Variants in TBC1D16 observed in about 807,000 individuals in gnomAD.
TBC1D16 encodes the protein TBC1 domain family member 16.
Under a neutral mutation model 74.7 loss-of-function variants are expected in TBC1D16, and 58 were observed. The observed-to-expected ratio is 0.78, with a 90% CI of 0.63 to 0.97. The LOEUF is 0.97. Among genes scored for constraint, TBC1D16 ranks in the 50% least tolerant of loss-of-function variants. The pLI is 0.00. For synonymous variants in TBC1D16, 493 were observed against 474.7 expected (o/e 1.04, Z -0.50); for missense variants, 1,014 against 1,079.5 (o/e 0.94, Z 0.85).
Position 79,950,297 on chromosome 17 carries a change from G to A in TBC1D16, c.1257+114C>T, listed in dbSNP as rs2032940693. On this transcript the variant is annotated intron_variant, in intron 6 of 11. Transcript: ENST00000310924. The surrounding 1 kb of genome is among the most constrained non-coding windows in gnomAD (Gnocchi z 4.6). ...CACAAGAAAACGGGGCCCTCACGAG[G>A]AGGTGGCCCGTGGGTGCGGGCGGGC... The A allele has an allele frequency of 8.2e-7, 1 of 1,212,132 alleles. No individual in the cohort carries two copies. Among genetic ancestry groups the A allele is most frequent in the Non-Finnish European group, 1.1e-6 (1 of 895,878 alleles). The allele number at this position is 1,212,132 out of a possible 1,614,324, so 75.1% of individuals were successfully genotyped here.
chr17:79,951,402 GT>G (rs2033040414), intron 5 of TBC1D16, 47 bp downstream of exon 5: 1 of 1,596,046 alleles, frequency 6.3e-7, no homozygotes, highest in East Asian at 2.2e-5. Context: ...CCCGTGGGGG[GT>G]GGGGAGTGTC....
At chr17:79,960,817 A>AAAAAAAAAAAT (rs2033581813) in intron 3 of TBC1D16, among the ~76,000 whole-genome samples, 1 of 139,392 alleles carries the variant, frequency 7.2e-6, no homozygotes, top group Non-Finnish European at 1.6e-5. Flanking sequence ...AAACGAAGGA[A>AAAAAAAAAAAT]TGAAACTGAC....
chr17:80,015,458 AT>A (rs551854443), intron 1 of TBC1D16, among the ~76,000 whole-genome samples: 121 of 151,890 alleles, frequency 8.0e-4, no homozygotes, highest in Non-Finnish European at 1.6e-3. Context: ...AATAAAAAAA[AT>A]AAAAGACAGG....
At chr17:79,991,747 G>A (rs1167213822) in intron 3 of TBC1D16, among the ~76,000 whole-genome samples, 1 of 151,648 alleles carries the variant, frequency 6.6e-6, no homozygotes, top group Admixed American at 6.5e-5. Context: ...GGCGTGCACC[G>A]CAGGCAGCGG....
chr17:79,956,032 G>T lies in TBC1D16; in HGVS notation c.780-3214C>A, dbSNP rs896599574. ...GCCCCTCACTCTTCCTCTTGGCACA[G>T]TGCAGGCAAGACAGACAGACGAGAG... On this transcript the variant is annotated intron_variant, in intron 3 of 11. Coordinates refer to ENST00000310924, the MANE Select transcript of TBC1D16 (RefSeq NM_019020.4). This position sits in a 1 kb window ranked among gnomAD's most constrained non-coding sequence, Gnocchi z 4.0. Among the ~76,000 whole-genome samples the T allele has an allele frequency of 2.0e-5, 3 of 152,198 alleles. No homozygotes were observed. Among genetic ancestry groups the T allele is most frequent in the African/African-American group, 7.2e-5 (3 of 41,436 alleles).
intron 3 of TBC1D16, among the ~76,000 whole-genome samples, chr17:80,006,084 G>A (rs1568629392): frequency 6.6e-6 from 1 of 152,158 alleles, no homozygotes. Flanking sequence ...GTGGCGATGG[G>A]TGCACCCGAG....
chr17:79,940,950 C>A lies in TBC1D16; in HGVS notation c.2213G>T (p.Gly738Val). ...HHPGSESCPY[G>V]GTVEMPSPKS... Reference sequence around the variant, plus strand: ...GGGGGAAGGCATCTCCACCGTGCCCCCGTAGGGACAGCTCTCCGAGCCGGG... The same window carrying A: ...GGGGGAAGGCATCTCCACCGTGCCCACGTAGGGACAGCTCTCCGAGCCGGG... The change falls in exon 12 of 12, where the codon GGG (glycine) becomes GTG (valine). Residue 738 changes from glycine (G) to valine (V), a missense_variant. By Grantham distance (109) the Gly-to-Val change is moderately radical (BLOSUM62 -3). Transcript: ENST00000310924. The surrounding 1 kb of genome is among the most constrained non-coding windows in gnomAD (Gnocchi z 5.4). 6.2e-7 allele frequency: 1 copy of A among 1,602,614 alleles called. No homozygotes were observed. Among genetic ancestry groups the A allele is most frequent in the East Asian group, 2.3e-5 (1 of 44,206 alleles).
At chr17:79,960,160 T>G (rs1057236314) in intron 3 of TBC1D16, among the ~76,000 whole-genome samples, 8 of 152,120 alleles carry the variant, frequency 5.3e-5, no homozygotes, top group African/African-American at 1.9e-4. Context: ...GGGAAAAAGA[T>G]ATTTGCCAAA....
intron 9 of TBC1D16, among the ~76,000 whole-genome samples, chr17:79,945,704 C>T (rs1465218169): frequency 6.6e-6 from 1 of 152,246 alleles, no homozygotes; most frequent in African/African-American, 2.4e-5. Flanking sequence ...AGTCACCCAG[C>T]CATGCGCTGC....
Position 79,945,015 on chromosome 17 carries a change from C to T in TBC1D16, c.1801G>A (p.Gly601Ser). 1.3e-6 allele frequency: 2 copies of T among 1,579,154 alleles called. No homozygotes were observed. The highest frequency in any genetic ancestry group is 1.7e-4 in the Middle Eastern group (1 of 6,014). The change falls in exon 10 of 12, where the codon GGC (glycine) becomes AGC (serine). Residue 601 changes from glycine (G) to serine (S), a missense_variant. Coordinates refer to ENST00000310924, the MANE Select transcript of TBC1D16 (RefSeq NM_019020.4). ...YQHLVSLGED[G>S]LQMLFCHRWL... is the part of the protein sequence containing the mutation. ...CGGTGGCAGAAGAGCATCTGCAGGCCGTCCTCGCCCAGCGAGACCAGGTGC... is the reference window on the plus strand; with the variant it reads ...CGGTGGCAGAAGAGCATCTGCAGGCTGTCCTCGCCCAGCGAGACCAGGTGC...
rs1251379586 is a variant in TBC1D16, at chr17:79,937,577, A to AGGGGTGGGCT, written c.*3272_*3281dup. The AGGGGTGGGCT allele has an allele frequency of 2.6e-5, 4 of 152,296 alleles. No homozygotes were observed. The highest frequency in any genetic ancestry group is 4.4e-5 in the Non-Finnish European group (3 of 68,118). 9.4% of individuals were successfully genotyped at this position (152,296 alleles called of 1,614,324 possible). A position where few individuals can be genotyped will look rare whatever the true frequency, so the allele number is the denominator to read the frequency against. The stretch of plus-strand genomic sequence containing the variant: ...CCTTCAGACCCTCCTCCTCCCCCGC[A>AGGGGTGGGCT]GGGGTGGGCTGGGGCCCTCCCTCCC... On this transcript the variant is annotated 3_prime_UTR_variant, in exon 12 of 12. Transcript: ENST00000310924.
At chr17:79,947,396 G>T (rs760948632) in intron 9 of TBC1D16, among the ~76,000 whole-genome samples, 1 of 152,176 alleles carries the variant, frequency 6.6e-6, no homozygotes, top group Non-Finnish European at 1.5e-5. Flanking sequence ...TCACGTGCAG[G>T]GGTGGAAGGC....
intron 3 of TBC1D16, among the ~76,000 whole-genome samples, chr17:79,997,941 G>A (rs572397942): frequency 2.0e-5 from 3 of 152,148 alleles, no homozygotes; most frequent in Non-Finnish European, 2.9e-5. Flanking sequence ...CCTGGCCAAC[G>A]TGGTGAAACC....
intron 3 of TBC1D16, among the ~76,000 whole-genome samples, chr17:79,997,804 C>T (rs901162538): frequency 6.6e-6 from 1 of 152,108 alleles, no homozygotes; most frequent in South Asian, 2.1e-4. Context: ...CAGTGGCAGG[C>T]GTCCATCATT....
chr17:79,967,323 A>G (rs2033886760), intron 3 of TBC1D16, among the ~76,000 whole-genome samples: 2 of 152,328 alleles, frequency 1.3e-5, no homozygotes, highest in South Asian at 4.1e-4. Context: ...AAAAAGGAGT[A>G]AAACTATCTC....
rs373698440 is a variant in TBC1D16, at chr17:80,008,536, G to A, written c.779+1624C>T. ...CTGGGCCCTGGGGATGCAGGGACAC[G>A]GGGACGCCTGCAGGTTCTGCTGCAC... On this transcript the variant is annotated intron_variant, in intron 3 of 11. Coordinates refer to ENST00000310924, the MANE Select transcript of TBC1D16 (RefSeq NM_019020.4). This position sits in a 1 kb window ranked among gnomAD's most constrained non-coding sequence, Gnocchi z 4.5. 3.9e-5 allele frequency among the ~76,000 whole-genome samples: 6 copies of A among 152,094 alleles called. No individual in the cohort carries two copies. The highest frequency in any genetic ancestry group is 9.7e-5 in the African/African-American group (4 of 41,410).
intron 1 of TBC1D16, among the ~76,000 whole-genome samples, chr17:80,032,344 C>A (rs747060323): frequency 1.5e-4 from 23 of 152,238 alleles, no homozygotes; most frequent in Admixed American, 8.5e-4. Context: ...GCCATTCCGA[C>A]TGGACAGTGG....
intron 3 of TBC1D16, among the ~76,000 whole-genome samples, chr17:79,997,546 C>T (rs1266037474): frequency 1.3e-5 from 2 of 152,136 alleles, no homozygotes; most frequent in Non-Finnish European, 2.9e-5. Context: ...AGCCCATGAA[C>T]GAAGACTTTT....
Position 79,985,551 on chromosome 17 carries a change from A to G in TBC1D16, c.779+24609T>C, listed in dbSNP as rs1343420468. Among the ~76,000 whole-genome samples the G allele has an allele frequency of 6.6e-6, 1 of 152,200 alleles. No homozygotes were observed. The highest frequency in any genetic ancestry group is 2.4e-5 in the African/African-American group (1 of 41,458). On this transcript the variant is annotated intron_variant, in intron 3 of 11. Coordinates refer to ENST00000310924, the MANE Select transcript of TBC1D16 (RefSeq NM_019020.4). This position sits in a 1 kb window ranked among gnomAD's most constrained non-coding sequence, Gnocchi z 4.9. ...ATCTCCCAGTCCAGTCTCAGCGGGCACTGGCCTGGCACTCACGCTCGGGGT... is the reference window on the plus strand; with the variant it reads ...ATCTCCCAGTCCAGTCTCAGCGGGCGCTGGCCTGGCACTCACGCTCGGGGT...
Sources: allele counts gnomAD v4.1 joint callset (sites outside exome capture counted in the v4.1 genomes callset), GRCh38; gene constraint gnomAD v4.1.1; non-coding constraint Gnocchi (gnomAD v3.1); transcripts MANE v1.5; gene names NCBI Gene and HGNC (gene_info 2026-07-23, HGNC 2026-07-21).